The following ERP27 variants were observed in gnomAD, a reference collection of about 807,000 sequenced individuals.
The protein encoded by ERP27 is endoplasmic reticulum protein 27, also known as endoplasmic reticulum resident protein 27.
A neutral mutation model predicts 27.7 loss-of-function variants in ERP27; 23 were observed. The observed-to-expected ratio is 0.83, with a 90% confidence interval of 0.60 to 1.18. ERP27 has a LOEUF of 1.18. Ranked by LOEUF, ERP27 falls within the 50% of genes most tolerant of loss-of-function variation. ERP27 has a pLI of 0.00. For synonymous variants in ERP27, 159 were observed against 118.3 expected (o/e 1.34, Z -2.23); for missense variants, 363 against 327.9 (o/e 1.11, Z -0.83).
rs557367808 is a variant in ERP27 at position 14,935,100 on chromosome 12, AT to A, written c.196-108del. ...ATGTTTACCAGAAATCATAGATTTG[AT>A]TTACTGCCCAGTAACACATGATTTA... On this transcript the variant is annotated intron_variant, in intron 2 of 6. Transcript: ENST00000266397. The A allele has an allele frequency of 1.1e-3, 1,676 of 1,500,448 alleles. 33 individuals are homozygous for A. Among genetic ancestry groups the A allele is most frequent in the Non-Finnish European group, 8.2e-5 (92 of 1,123,250 alleles). 92.9% of individuals were successfully genotyped at this position (1,500,448 alleles called of 1,614,324 possible).
At chr12:14,933,059 T>C (rs571955695) in intron 3 of ERP27, among the ~76,000 whole-genome samples, 1 of 152,308 alleles carries the variant, frequency 6.6e-6, no homozygotes, top group South Asian at 2.1e-4. Context: ...GAATTGTACT[T>C]CTTAAGAAGA....
chr12:14,919,702 T>C (rs1863470867), intron 4 of ERP27, among the ~76,000 whole-genome samples: 1 of 152,198 alleles, frequency 6.6e-6, no homozygotes, highest in South Asian at 2.1e-4. Context: ...GGCAACTACA[T>C]AGGCTGTCTC....
At chr12:14,924,043 C>T (rs1184263897) in intron 3 of ERP27, among the ~76,000 whole-genome samples, 2 of 152,180 alleles carry the variant, frequency 1.3e-5, no homozygotes, top group African/African-American at 4.8e-5. Context: ...CCCCTCCGCT[C>T]CCCAGCTTTC....
chr12:14,932,221 C>T (rs191820222), intron 3 of ERP27, among the ~76,000 whole-genome samples: 43 of 151,998 alleles, frequency 2.8e-4, no homozygotes, highest in Middle Eastern at 3.4e-3. Context: ...GAGACAGATA[C>T]GTAAATATAT....
In ERP27 at chr12:14,926,538, A is replaced by G. The variant is rs181351272; in HGVS notation, c.334-5490T>C. Among the ~76,000 whole-genome samples the G allele has an allele frequency of 8.5e-5, 13 of 152,204 alleles. No homozygotes were observed. In the East Asian group the frequency reaches 2.5e-3, roughly 29 times the overall value. On this transcript the variant is annotated intron_variant, in intron 3 of 6. Transcript: ENST00000266397. Reference sequence around the variant, plus strand: ...TGTCCTACTTTTGAATTGACTGAGTATTTTATATTATTTTCTTCTTTCCCT... The same window carrying G: ...TGTCCTACTTTTGAATTGACTGAGTGTTTTATATTATTTTCTTCTTTCCCT...
chr12:14,934,084 G>A (rs747039723), intron 3 of ERP27, among the ~76,000 whole-genome samples: 1 of 152,104 alleles, frequency 6.6e-6, no homozygotes, highest in Non-Finnish European at 1.5e-5. Context: ...CCCACAATAC[G>A]ATTTTAATCA....
chr12:14,934,958 G>A lies in ERP27; in HGVS notation c.231C>T (p.Ser77=), dbSNP rs781131994. 3.2e-5 allele frequency: 51 copies of A among 1,614,002 alleles called. No individual in the cohort carries two copies. Among genetic ancestry groups the A allele is most frequent in the Non-Finnish European group, 4.2e-5 (50 of 1,179,974 alleles). The part of the protein sequence containing the change: ...LEIPAVPILH[S]MVQKFPGVSF... ...ACACGCCTGGGAATTTTTGCACCAT[G>A]CTATGGAGTATGGGCACTGCTGGTA... The change falls in exon 3 of 7, where the codon AGC becomes AGT. Residue 77 remains serine, a synonymous_variant. Transcript: ENST00000266397.
At chr12:14,914,905 C>T in intron 6 of ERP27, 123 bp from the exon 7 acceptor site, 1 of 756,656 alleles carries the variant, frequency 1.3e-6, no homozygotes, top group Admixed American at 3.0e-5. Flanking sequence ...ATTTGTTGCC[C>T]ATTAATGCTT....
chr12:14,915,338 A>C (rs1407954973), intron 6 of ERP27, 151 bp downstream of exon 6: 8 of 692,458 alleles, frequency 1.2e-5, no homozygotes, highest in Admixed American at 2.7e-5. Flanking sequence ...GCTACAGAAC[A>C]CTAGACATTC....
chr12:14,922,803 C>G (rs573811062), intron 3 of ERP27, among the ~76,000 whole-genome samples: 1 of 152,180 alleles, frequency 6.6e-6, no homozygotes, highest in Non-Finnish European at 1.5e-5. Flanking sequence ...AGGCCAGGTG[C>G]GGTGGCTCAC....
At chr12:14,937,506 A>G (rs1304947014) in intron 2 of ERP27, among the ~76,000 whole-genome samples, 1 of 152,206 alleles carries the variant, frequency 6.6e-6, no homozygotes, top group Non-Finnish European at 1.5e-5. Flanking sequence ...GAAAGGCTTT[A>G]AAAGGCTGTG....
chr12:14,934,622 G>A (rs191046083), intron 3 of ERP27, among the ~76,000 whole-genome samples: 2 of 152,282 alleles, frequency 1.3e-5, no homozygotes, highest in East Asian at 1.9e-4. Context: ...GCTGTTGAGC[G>A]ACAAAGCAGT....
intron 3 of ERP27, chr12:14,928,856 C>T (rs1863652777): frequency 2.2e-6 from 3 of 1,340,180 alleles, no homozygotes; most frequent in Non-Finnish European, 3.1e-6. Context: ...TTCCCTTGCC[C>T]ATATCAAGAC....
At chr12:14,929,036 G>C in intron 3 of ERP27, 1 of 1,534,704 alleles carries the variant, frequency 6.5e-7, no homozygotes, top group Non-Finnish European at 8.7e-7. Flanking sequence ...ATCAGGACTC[G>C]TTTAACATTT....
At position 14,914,229 on chromosome 12, in the gene ERP27, C is replaced by A. The variant is rs1863369176; in HGVS notation, c.*506G>T. The A allele has an allele frequency of 6.6e-6, 1 of 152,650 alleles. No homozygotes were observed. The highest frequency in any genetic ancestry group is 2.4e-5 in the African/African-American group (1 of 41,440). 9.5% of individuals were successfully genotyped at this position (152,650 alleles called of 1,614,324 possible). A position where few individuals can be genotyped will look rare whatever the true frequency, so the allele number is the denominator to read the frequency against. Reference sequence around the variant, plus strand: ...TTAAAACCATCCTTTGGTTTTTGATCCTGAGTCAGAGACGGACATGTGCTT... The same window carrying A: ...TTAAAACCATCCTTTGGTTTTTGATACTGAGTCAGAGACGGACATGTGCTT... On this transcript the variant is annotated 3_prime_UTR_variant, in exon 7 of 7. Transcript: ENST00000266397.
intron 2 of ERP27, among the ~76,000 whole-genome samples, chr12:14,935,341 T>A (rs774793687): frequency 6.6e-6 from 1 of 152,210 alleles, no homozygotes; most frequent in Non-Finnish European, 1.5e-5. Context: ...AAGCAACTCT[T>A]CTGGGAACAA....
intron 4 of ERP27, among the ~76,000 whole-genome samples, chr12:14,918,300 A>G (rs1203754763): frequency 6.6e-6 from 1 of 152,182 alleles, no homozygotes; most frequent in African/African-American, 2.4e-5. Flanking sequence ...CCCCATATAA[A>G]CAAACTCGAT....
At chr12:14,923,487 TAATC>T (rs770443474) in intron 3 of ERP27, among the ~76,000 whole-genome samples, 13,922 of 145,660 alleles carry the variant, frequency 0.096, 769 homozygotes, top group African/African-American at 0.13. Context: ...TATCTATCTA[TAATC>T]AATCTATCTA....
At chr12:14,918,079 G>T (rs747492883) in intron 4 of ERP27, among the ~76,000 whole-genome samples, 1 of 152,180 alleles carries the variant, frequency 6.6e-6, no homozygotes, top group Non-Finnish European at 1.5e-5. Flanking sequence ...TGTTCATTAC[G>T]TGGAAGGCAC....
Sources: gnomAD v4.1 joint callset for allele counts (sites outside exome capture counted in the v4.1 genomes callset) on GRCh38, gnomAD v4.1.1 for gene constraint, MANE v1.5 for transcripts, NCBI Gene and HGNC (gene_info 2026-07-23, HGNC 2026-07-21) for gene names.